Variants in RGCC observed in about 807,000 individuals in gnomAD.
RGCC encodes the protein regulator of cell cycle.
A neutral mutation model predicts 15.4 loss-of-function variants in RGCC; 15 were observed. That is an observed-to-expected ratio of 0.97 (90% CI 0.65 to 1.50). The LOEUF (loss-of-function observed/expected upper bound fraction) is 1.50, where lower values mean the gene tolerates loss of function less well. Ranked by LOEUF, RGCC falls within the 40% of genes most tolerant of loss-of-function variation. RGCC has a pLI of 0.00. For synonymous variants in RGCC, 81 were observed against 78.0 expected, an observed-to-expected ratio of 1.04 and a Z score of -0.20; for missense variants, 176 against 189.7, an observed-to-expected ratio of 0.93 and a Z score of 0.42.
intron 2 of RGCC, among the ~76,000 whole-genome samples, chr13:41,464,928 C>G (rs1383076120): frequency 6.6e-6 from 1 of 151,736 alleles, no homozygotes; most frequent in African/African-American, 2.4e-5. Context: ...CGAAAAAGAG[C>G]AGGGGGCAGG....
rs1481635156 is a variant in RGCC at position 41,466,833 on chromosome 13, A to T, written c.246A>T (p.Ser82=). 2.5e-6 allele frequency: 4 copies of T among 1,612,138 alleles called. No homozygotes were observed. In the African/African-American group the frequency reaches 5.3e-5, roughly 22 times the overall value. Residue 82 remains serine (S), a synonymous_variant, in exon 3 of 5, where the codon TCA becomes TCT. Coordinates refer to ENST00000379359, the MANE Select transcript of RGCC (RefSeq NM_014059.3). ...SGFSDSESAD[S]LYRNSFSFSD... ...TTTCCTTCCTGAAAGGTGCAGATTC[A>T]CTTTATAGGAACAGCTTCAGCTTCA...
In RGCC at chr13:41,458,351, T is replaced by C. The variant is rs776248798; in HGVS notation, c.116T>C (p.Leu39Pro). 3 of 1,592,362 alleles carry C rather than the reference T, an allele frequency of 1.9e-6. No individual in the cohort carries two copies. In the Admixed American group the frequency reaches 5.1e-5, roughly 27 times the overall value. The change falls in exon 2 of 5, where the codon CTG (leucine) becomes CCG (proline). Residue 39 changes from leucine to proline, a missense_variant. Physicochemically the swap from Leu to Pro is moderately conservative, Grantham distance 98. Transcript: ENST00000379359. This position sits in a 1 kb window ranked among gnomAD's most constrained non-coding sequence, Gnocchi z 4.4. ...SDALCEFDAV[L>P]ADFASPFHER... is the part of the protein sequence containing the mutation. ...GCGCTGTGCGAGTTTGACGCGGTGC[T>C]GGCCGACTTCGCGTCGCCCTTCCAC...
At chr13:41,469,440 T>G (rs1395232704) in intron 4 of RGCC, among the ~76,000 whole-genome samples, 1 of 151,994 alleles carries the variant, frequency 6.6e-6, no homozygotes, top group Non-Finnish European at 1.5e-5. Context: ...CAATGGCATT[T>G]TGTTTGAGAA....
chr13:41,466,262 C>A lies in RGCC; in HGVS notation c.236-561C>A, dbSNP rs551788762. Among the ~76,000 whole-genome samples the A allele has an allele frequency of 6.2e-5, 9 of 145,580 alleles. No individual in the cohort carries two copies. In the East Asian group the frequency reaches 1.8e-3, roughly 29 times the overall value. On this transcript the variant is annotated intron_variant, in intron 2 of 4. Transcript: ENST00000379359. ...TCACACACACCCACACTCACACACT[C>A]ATGCACACACACACACTTTCACACA...
At chr13:41,465,333 C>T (rs2139576469) in intron 2 of RGCC, among the ~76,000 whole-genome samples, 1 of 152,334 alleles carries the variant, frequency 6.6e-6, no homozygotes, top group South Asian at 2.1e-4. Flanking sequence ...GGGCCACATC[C>T]TGCTTCTGCT....
intron 2 of RGCC, among the ~76,000 whole-genome samples, chr13:41,466,194 CACACACTCAT>C (rs1214265827): frequency 1.8e-5 from 2 of 109,794 alleles, no homozygotes; most frequent in Non-Finnish European, 4.2e-5. Flanking sequence ...CACACACTCA[CACACACTCAT>C]ACACTCACAC....
chr13:41,469,588 C>A (rs535271560), intron 4 of RGCC, among the ~76,000 whole-genome samples: 3 of 152,186 alleles, frequency 2.0e-5, no homozygotes, highest in Admixed American at 1.3e-4. Flanking sequence ...GGGTAATTTT[C>A]CCAGGTTAGA....
chr13:41,458,725 G>C lies in RGCC; in HGVS notation c.235+255G>C, dbSNP rs374612030. On this transcript the variant is annotated intron_variant, in intron 2 of 4. Coordinates refer to ENST00000379359, the MANE Select transcript of RGCC (RefSeq NM_014059.3). This position sits in a 1 kb window ranked among gnomAD's most constrained non-coding sequence, Gnocchi z 4.4. Reference sequence around the variant, plus strand: ...TAAGCAGCTTGTCCCGACTCAGCCAGACAGGACTCCCTGGACCTGCACCAG... The same window carrying C: ...TAAGCAGCTTGTCCCGACTCAGCCACACAGGACTCCCTGGACCTGCACCAG... Among the ~76,000 whole-genome samples the C allele has an allele frequency of 2.2e-4, 34 of 152,242 alleles. No homozygotes were observed. The highest frequency in any genetic ancestry group is 6.3e-4 in the African/African-American group (26 of 41,544).
chr13:41,469,277 T>G, intron 4 of RGCC, among the ~76,000 whole-genome samples: 1 of 99,350 alleles, frequency 1.0e-5, no homozygotes. Flanking sequence ...ATAATAATAA[T>G]AATAATAATA....
chr13:41,462,301 T>TA (rs1204425880), intron 2 of RGCC, among the ~76,000 whole-genome samples: 1 of 152,070 alleles, frequency 6.6e-6, no homozygotes, highest in Non-Finnish European at 1.5e-5. Context: ...CCCCCCTAGC[T>TA]AAAAAAACAC....
chr13:41,467,834 G>T (rs909421470), intron 3 of RGCC, among the ~76,000 whole-genome samples: 13 of 152,200 alleles, frequency 8.5e-5, no homozygotes, highest in African/African-American at 3.1e-4. Flanking sequence ...AGTCTAAAAA[G>T]TGGCTTAAAA....
At chr13:41,466,736 A>T in intron 2 of RGCC, 87 bp from the exon 3 acceptor site, 1 of 949,524 alleles carries the variant, frequency 1.1e-6, no homozygotes, top group Non-Finnish European at 1.7e-6. Flanking sequence ...TTTGAAGACA[A>T]ATTGTTGGTT....
At position 41,470,645 on chromosome 13, in the gene RGCC, A is replaced by T. The variant is rs2043871567; in HGVS notation, c.*160A>T. 5 of 706,064 alleles carry T rather than the reference A, an allele frequency of 7.1e-6. No homozygotes were observed. Among genetic ancestry groups the T allele is most frequent in the Middle Eastern group, 7.2e-4 (2 of 2,788 alleles). The allele number at this position is 706,064 out of a possible 1,614,324, so 43.7% of individuals were successfully genotyped here. On this transcript the variant is annotated 3_prime_UTR_variant, in exon 5 of 5. Transcript: ENST00000379359. ...AGGCTCACCTTAAAATCAGCCCTTG[A>T]TCCCATTTCTGGGCAATTTAGACAG...
In RGCC at chr13:41,458,140, G is replaced by C; in HGVS notation, c.50-145G>C. The C allele has an allele frequency of 4.4e-6, 3 of 683,150 alleles. No homozygotes were observed. The highest frequency in any genetic ancestry group is 4.8e-6 in the Non-Finnish European group (2 of 413,450). The allele number at this position is 683,150 out of a possible 1,614,324, so 42.3% of individuals were successfully genotyped here. The stretch of plus-strand genomic sequence containing the variant: ...TCGGGGGTGGTGGAGAAGATTACAA[G>C]GTAACAGCGACTGCGTGGCTGTCAC... On this transcript the variant is annotated intron_variant, in intron 1 of 4. Coordinates refer to ENST00000379359, the MANE Select transcript of RGCC (RefSeq NM_014059.3). The surrounding 1 kb of genome is among the most constrained non-coding windows in gnomAD (Gnocchi z 4.4).
chr13:41,470,280 A>G (rs144837452), intron 4 of RGCC, among the ~76,000 whole-genome samples, 198 bp from the exon 5 acceptor site: 1 of 152,320 alleles, frequency 6.6e-6, no homozygotes, highest in East Asian at 1.9e-4. Flanking sequence ...AATTTGTATT[A>G]GACCCATGTA....
At chr13:41,462,396 TGATGGTGCCTTA>T (rs1167306511) in intron 2 of RGCC, among the ~76,000 whole-genome samples, 1 of 152,222 alleles carries the variant, frequency 6.6e-6, no homozygotes, top group Non-Finnish European at 1.5e-5. Context: ...TTCTTTCTTT[TGATGGTGCCTTA>T]GAAAACACGG....
In RGCC at chr13:41,465,512, C is replaced by T. The variant is rs74595080; in HGVS notation, c.236-1311C>T. On this transcript the variant is annotated intron_variant, in intron 2 of 4. Transcript: ENST00000379359. ...AAGTGCCTTTAAGGATTATTTAGTCCGCCTTCCCATTCTATTGATAAGTAA... is the reference window on the plus strand; with the variant it reads ...AAGTGCCTTTAAGGATTATTTAGTCTGCCTTCCCATTCTATTGATAAGTAA... Among the ~76,000 whole-genome samples, 791 of 151,052 alleles carry T rather than the reference C, an allele frequency of 5.2e-3. 5 individuals carry two copies. Among genetic ancestry groups the T allele is most frequent in the African/African-American group, 0.018 (753 of 41,200 alleles).
rs982871775 is a variant in RGCC at position 41,464,780 on chromosome 13, T to C, written c.236-2043T>C. ...GTCCAGGATTTTGGATCTCAGTCCATGTTCATCCTCAAAGCCCAGTGATGG... is the reference window on the plus strand; with the variant it reads ...GTCCAGGATTTTGGATCTCAGTCCACGTTCATCCTCAAAGCCCAGTGATGG... On this transcript the variant is annotated intron_variant, in intron 2 of 4. Transcript: ENST00000379359. Among the ~76,000 whole-genome samples the C allele has an allele frequency of 2.0e-5, 3 of 152,192 alleles. No homozygotes were observed. The South Asian group carries it at 6.2e-4, about 32-fold the overall frequency.
Position 41,465,760 on chromosome 13 carries a change from T to G in RGCC, c.236-1063T>G, listed in dbSNP as rs1237253073. 2.6e-5 allele frequency among the ~76,000 whole-genome samples: 4 copies of G among 152,142 alleles called. No homozygotes were observed. In the East Asian group the frequency reaches 7.7e-4, roughly 29 times the overall value. ...TTTATCTTTGACCTTCTGGCTTATCTGAAGAGTACAGACTCTTAGGAAAAC... is the reference window on the plus strand; with the variant it reads ...TTTATCTTTGACCTTCTGGCTTATCGGAAGAGTACAGACTCTTAGGAAAAC... On this transcript the variant is annotated intron_variant, in intron 2 of 4. Transcript: ENST00000379359.
Sources: allele counts gnomAD v4.1 joint callset (sites outside exome capture counted in the v4.1 genomes callset), GRCh38; gene constraint gnomAD v4.1.1; non-coding constraint Gnocchi (gnomAD v3.1); transcripts MANE v1.5; gene names NCBI Gene and HGNC (gene_info 2026-07-23, HGNC 2026-07-21).